TTC23: variants seen among roughly 807,000 people sequenced by gnomAD.
TTC23 encodes tetratricopeptide repeat domain 23, also known as tetratricopeptide repeat protein 23.
A neutral mutation model predicts 55.1 loss-of-function variants in TTC23; 58 were observed. The ratio of observed to expected loss-of-function variants is 1.05; its 90% CI spans 0.85 to 1.31. TTC23 has a LOEUF of 1.31. TTC23 is among the 50% of genes most tolerant of loss of function. The pLI, the probability that TTC23 is intolerant of heterozygous loss-of-function variation, is 0.00. For synonymous variants in TTC23, 203 were observed against 199.9 expected (o/e 1.02, Z -0.13); for missense variants, 516 against 534.4 (o/e 0.97, Z 0.34).
intron 9 of TTC23, among the ~76,000 whole-genome samples, chr15:99,186,052 T>C (rs1434692602): frequency 2.0e-5 from 3 of 152,196 alleles, no homozygotes; most frequent in Admixed American, 6.5e-5. Flanking sequence ...CGGGTCCCCT[T>C]TGAGGGCTGT....
At chr15:99,142,462 A>T (rs992995931) in intron 12 of TTC23, among the ~76,000 whole-genome samples, 5 of 152,240 alleles carry the variant, frequency 3.3e-5, no homozygotes, top group African/African-American at 1.2e-4. Context: ...CCTCTGATGC[A>T]GCTCATTTTG....
chr15:99,196,604 A>G (rs1008129174), intron 9 of TTC23, among the ~76,000 whole-genome samples: 4 of 151,890 alleles, frequency 2.6e-5, no homozygotes, highest in African/African-American at 9.7e-5. Flanking sequence ...TGTCATGTCT[A>G]CTCCACACAT....
chr15:99,189,647 T>C (rs973899961), intron 9 of TTC23, among the ~76,000 whole-genome samples: 4 of 152,104 alleles, frequency 2.6e-5, no homozygotes, highest in South Asian at 2.1e-4. Flanking sequence ...TGAGGAAACA[T>C]TAGACAAACC....
intron 10 of TTC23, among the ~76,000 whole-genome samples, chr15:99,168,152 G>T (rs1029859783): frequency 6.6e-6 from 1 of 152,226 alleles, no homozygotes; most frequent in Non-Finnish European, 1.5e-5. Context: ...AGGGGCCTGT[G>T]ACATGGCTTC....
At chr15:99,181,096 C>A (rs2074068161) in intron 9 of TTC23, among the ~76,000 whole-genome samples, 1 of 152,112 alleles carries the variant, frequency 6.6e-6, no homozygotes, top group Admixed American at 6.5e-5. Context: ...AATTAAGCCT[C>A]CAGGAGATGA....
At chr15:99,195,824 T>G (rs2075650021) in intron 9 of TTC23, among the ~76,000 whole-genome samples, 1 of 150,790 alleles carries the variant, frequency 6.6e-6, no homozygotes, top group Admixed American at 6.6e-5. Flanking sequence ...AGGGGCTATA[T>G]CTTTGTACAT....
chr15:99,210,631 G>C (rs535206022), intron 8 of TTC23, among the ~76,000 whole-genome samples: 3 of 152,324 alleles, frequency 2.0e-5, no homozygotes, highest in Admixed American at 2.0e-4. Flanking sequence ...GTCCAAAAGA[G>C]AGAAGCAGAG....
rs752267264 is a variant in TTC23 at position 99,161,780 on chromosome 15, T to C, written c.953A>G (p.Asp318Gly). 17 of 1,613,522 alleles carry C rather than the reference T, an allele frequency of 1.1e-5. No individual in the cohort carries two copies. The South Asian group carries it at 1.9e-4, about 18-fold the overall frequency. ...MGRTKFLSIQ[D>G]EFCHFLQMTG... is the part of the protein sequence containing the mutation. ...CATTTGTAGAAAATGGCAAAATTCA[T>C]CTTGAATTGAAAGAAATTTGGTTCT... is the stretch of plus-strand genomic sequence containing the variant. Residue 318 changes from aspartate (D) to glycine (G), a missense_variant, in exon 11 of 14, where the codon GAT becomes GGT. Transcript: ENST00000394132.
chr15:99,221,740 C>T lies in TTC23; in HGVS notation c.304+1G>A, dbSNP rs1419154832. On this transcript the variant is annotated splice_donor_variant, in intron 6 of 13. Coordinates refer to ENST00000394132, the MANE Select transcript of TTC23 (RefSeq NM_001288615.3). LOFTEE classifies it high-confidence loss of function. Reference sequence around the variant, plus strand: ...TCCCCCTCAGTCTAAGGCGAGCTTACCTTTCAGCTGGAGGTAGCCTTGAGC... The same window carrying T: ...TCCCCCTCAGTCTAAGGCGAGCTTATCTTTCAGCTGGAGGTAGCCTTGAGC... The T allele has an allele frequency of 1.2e-6, 2 of 1,613,946 alleles. No homozygotes were observed.
chr15:99,174,244 C>T (rs2073276608), intron 10 of TTC23, among the ~76,000 whole-genome samples: 1 of 152,200 alleles, frequency 6.6e-6, no homozygotes, highest in African/African-American at 2.4e-5. Context: ...GACCAGGCTG[C>T]TCATTGAAGC....
At chr15:99,214,655 C>T (rs1038017984) in intron 8 of TTC23, among the ~76,000 whole-genome samples, 1 of 151,882 alleles carries the variant, frequency 6.6e-6, no homozygotes. Context: ...TCTTGAGCTC[C>T]AGGGCTCAAG....
At chr15:99,237,156 A>ATT (rs751406111) in intron 3 of TTC23, among the ~76,000 whole-genome samples, 33 of 151,816 alleles carry the variant, frequency 2.2e-4, no homozygotes, top group Non-Finnish European at 3.4e-4. Flanking sequence ...TAACTTTTGT[A>ATT]TTTTTAGTAG....
intron 12 of TTC23, chr15:99,148,463 T>C (rs1304707357): frequency 1.3e-5 from 2 of 148,662 alleles, no homozygotes; most frequent in Non-Finnish European, 3.0e-5. Context: ...ATAAAAAGAT[T>C]CATTTTAGTG....
intron 11 of TTC23, chr15:99,158,990 TG>T (rs2070996656): frequency 6.6e-6 from 1 of 152,304 alleles, no homozygotes; most frequent in African/African-American, 2.4e-5. Context: ...CTCTCCAACA[TG>T]GGCGGTATCT....
At chr15:99,202,267 G>A (rs985116159) in intron 8 of TTC23, among the ~76,000 whole-genome samples, 52 of 152,170 alleles carry the variant, frequency 3.4e-4, no homozygotes, top group African/African-American at 1.2e-3. Flanking sequence ...ACAATGCCAG[G>A]GATATTTGAG....
intron 5 of TTC23, among the ~76,000 whole-genome samples, chr15:99,224,550 T>C (rs2078227939): frequency 1.3e-5 from 2 of 152,224 alleles, no homozygotes; most frequent in Admixed American, 6.5e-5. Flanking sequence ...ATTGGGCATT[T>C]AGCTGTTTGT....
intron 8 of TTC23, among the ~76,000 whole-genome samples, chr15:99,201,190 T>C (rs564319443): frequency 6.6e-6 from 1 of 151,980 alleles, no homozygotes; most frequent in South Asian, 2.1e-4. Flanking sequence ...AATTTAGAAA[T>C]TATAAGTAAA....
intron 9 of TTC23, among the ~76,000 whole-genome samples, chr15:99,190,112 C>T (rs150391720): frequency 1.3e-3 from 194 of 151,864 alleles, no homozygotes; most frequent in African/African-American, 4.4e-3. Flanking sequence ...CCTGGGAGGG[C>T]GAGGCTGCAG....
intron 9 of TTC23, among the ~76,000 whole-genome samples, chr15:99,177,286 T>C (rs900225607): frequency 2.6e-5 from 4 of 152,252 alleles, no homozygotes; most frequent in Non-Finnish European, 4.4e-5. Context: ...ACAATATCCT[T>C]TGCTTTAAAA....
Sources: allele counts gnomAD v4.1 joint callset (sites outside exome capture counted in the v4.1 genomes callset), GRCh38; gene constraint gnomAD v4.1.1; transcripts MANE v1.5; gene names NCBI Gene and HGNC (gene_info 2026-07-23, HGNC 2026-07-21).